Variants in CDH9 observed in about 807,000 individuals in gnomAD.
The protein encoded by CDH9 is cadherin-9.
A neutral mutation model predicts 70.9 loss-of-function variants in CDH9; 28 were observed. That is an observed-to-expected ratio of 0.40 (90% CI 0.29 to 0.54). The LOEUF is 0.54. Ranked by LOEUF, CDH9 falls within the 20% of genes least tolerant of loss-of-function variation. The pLI is 0.59. For synonymous variants in CDH9, 409 were observed against 343.1 expected (o/e 1.19, Z -2.12); for missense variants, 874 against 984.4 (o/e 0.89, Z 1.50).
chr5:26,884,377 C>G (rs1265191025), intron 11 of CDH9, among the ~76,000 whole-genome samples: 1 of 152,038 alleles, frequency 6.6e-6, no homozygotes, highest in African/African-American at 2.4e-5. Context: ...ACATGTTGTT[C>G]TAAATTAGGA....
intron 2 of CDH9, among the ~76,000 whole-genome samples, chr5:26,987,091 C>CTTTTTTTTTTT (rs201154706): frequency 5.2e-4 from 56 of 108,286 alleles, no homozygotes; most frequent in East Asian, 6.5e-4. Flanking sequence ...CACTTGTATT[C>CTTTTTTTTTTT]TTTTTTTTTT....
intron 9 of CDH9, among the ~76,000 whole-genome samples, chr5:26,888,927 A>G (rs1283895287): frequency 6.6e-6 from 1 of 152,136 alleles, no homozygotes; most frequent in Non-Finnish European, 1.5e-5. Flanking sequence ...ATCAGGCTCT[A>G]TACCCTTATA....
At chr5:27,000,268 C>T (rs1310630113) in intron 1 of CDH9, among the ~76,000 whole-genome samples, 2 of 151,906 alleles carry the variant, frequency 1.3e-5, no homozygotes, top group Non-Finnish European at 2.9e-5. Context: ...ATAAAAATGG[C>T]CAAAATTTTT....
At chr5:26,998,912 A>G (rs143297858) in intron 1 of CDH9, among the ~76,000 whole-genome samples, 3 of 152,246 alleles carry the variant, frequency 2.0e-5, no homozygotes, top group Middle Eastern at 3.4e-3. Context: ...AAAAGTTATT[A>G]AAAAAGGGAA....
intron 1 of CDH9, among the ~76,000 whole-genome samples, chr5:27,014,601 C>CAT (rs960548465): frequency 5.3e-5 from 8 of 151,880 alleles, no homozygotes; most frequent in African/African-American, 1.9e-4. Flanking sequence ...TTTTATTTAA[C>CAT]ATATATATAC....
intron 1 of CDH9, among the ~76,000 whole-genome samples, chr5:27,026,888 C>T (rs893274415): frequency 3.3e-5 from 5 of 151,844 alleles, no homozygotes; most frequent in African/African-American, 1.2e-4. Flanking sequence ...TCATATTTTT[C>T]AAACCACAAT....
intron 2 of CDH9, among the ~76,000 whole-genome samples, chr5:26,941,129 T>A (rs1373733170): frequency 6.6e-6 from 1 of 152,166 alleles, no homozygotes; most frequent in Non-Finnish European, 1.5e-5. Context: ...GATTGCTCAG[T>A]TTTAAATCAG....
intron 1 of CDH9, among the ~76,000 whole-genome samples, chr5:27,024,942 G>T (rs1289454515): frequency 2.0e-5 from 3 of 152,008 alleles, no homozygotes; most frequent in Non-Finnish European, 4.4e-5. Flanking sequence ...CACTTACAAT[G>T]CAGCATATGA....
intron 2 of CDH9, among the ~76,000 whole-genome samples, chr5:26,981,024 A>G (rs1742390548): frequency 6.6e-6 from 1 of 152,102 alleles, no homozygotes; most frequent in Non-Finnish European, 1.5e-5. Flanking sequence ...AATATCTAGC[A>G]TAACTAACGC....
chr5:26,982,824 A>G (rs937330300), intron 2 of CDH9, among the ~76,000 whole-genome samples: 1 of 151,938 alleles, frequency 6.6e-6, no homozygotes, highest in Non-Finnish European at 1.5e-5. Flanking sequence ...CTAGGATTAC[A>G]GGCACCTGCC....
At chr5:26,923,657 C>T (rs144826485) in intron 2 of CDH9, among the ~76,000 whole-genome samples, 23 of 152,102 alleles carry the variant, frequency 1.5e-4, no homozygotes, top group Middle Eastern at 3.4e-3. Flanking sequence ...ATAGATCAGA[C>T]GTTAGGCCAC....
At chr5:27,014,679 A>T (rs1274927881) in intron 1 of CDH9, among the ~76,000 whole-genome samples, 1 of 151,908 alleles carries the variant, frequency 6.6e-6, no homozygotes, top group Non-Finnish European at 1.5e-5. Flanking sequence ...ATAGATATAG[A>T]TTTATAAGGA....
chr5:27,019,446 T>G (rs1454186446), intron 1 of CDH9, among the ~76,000 whole-genome samples: 1 of 152,016 alleles, frequency 6.6e-6, no homozygotes, highest in African/African-American at 2.4e-5. Context: ...AACCTAGAAT[T>G]AATCCCAGTC....
intron 2 of CDH9, among the ~76,000 whole-genome samples, chr5:26,939,905 T>C (rs1331558889): frequency 6.6e-6 from 1 of 151,976 alleles, no homozygotes; most frequent in Non-Finnish European, 1.5e-5. Context: ...ATCCCAGCAC[T>C]TTGGGAGGCT....
intron 2 of CDH9, among the ~76,000 whole-genome samples, chr5:26,979,398 T>C (rs1336435342): frequency 6.6e-6 from 1 of 151,284 alleles, no homozygotes; most frequent in East Asian, 1.9e-4. Context: ...ATAAAGAGCA[T>C]AAACATAGAT....
chr5:27,032,376 A>G (rs1440638045), intron 1 of CDH9, among the ~76,000 whole-genome samples: 1 of 151,682 alleles, frequency 6.6e-6, no homozygotes, highest in Admixed American at 6.6e-5. Flanking sequence ...AAATAAGTGT[A>G]CATATTATTA....
chr5:26,969,666 AG>A (rs1452343520), intron 2 of CDH9, among the ~76,000 whole-genome samples: 3 of 152,100 alleles, frequency 2.0e-5, no homozygotes, highest in Admixed American at 2.0e-4. Flanking sequence ...AATGTCACAG[AG>A]AAGGGCTTAA....
intron 2 of CDH9, among the ~76,000 whole-genome samples, chr5:26,920,596 G>A (rs1458515020): frequency 6.6e-6 from 1 of 152,096 alleles, no homozygotes; most frequent in Non-Finnish European, 1.5e-5. Flanking sequence ...GGGCCACAGG[G>A]GTGCTTGTGT....
At position 26,902,685 on chromosome 5, in the gene CDH9, A is replaced by G. The variant is rs1740877395; in HGVS notation, c.1044T>C (p.Asp348=). Residue 348 remains aspartate (D), a synonymous_variant, in exon 7 of 12, where the codon GAT becomes GAC. Coordinates refer to ENST00000231021, the MANE Select transcript of CDH9 (RefSeq NM_016279.4). ...GTGGATCAGGGTGAGTGTTACTTGC[A>G]TCCACTCTTAAAGTATAGAGCATTT... is the stretch of plus-strand genomic sequence containing the variant. ...ENQMLYTLRV[D]ASNTHPDPRF... 1.3e-6 allele frequency: 2 copies of G among 1,574,384 alleles called. No individual in the cohort carries two copies. The highest frequency in any genetic ancestry group is 2.2e-5 in the East Asian group (1 of 44,610).
Sources: allele counts gnomAD v4.1 joint callset (sites outside exome capture counted in the v4.1 genomes callset), GRCh38; gene constraint gnomAD v4.1.1; transcripts MANE v1.5; gene names NCBI Gene and HGNC (gene_info 2026-07-23, HGNC 2026-07-21).